The following TTN variants were observed in gnomAD, a reference collection of about 807,000 sequenced individuals.
TTN encodes titin, also known as connectin.
TTN carries 1,525 observed loss-of-function variants against 3,223.0 expected under a neutral mutation model. The observed-to-expected ratio is 0.47, with a 90% CI of 0.45 to 0.49. The LOEUF (loss-of-function observed/expected upper bound fraction) is 0.49. TTN is among the 20% of genes least tolerant of loss of function. The probability of loss-of-function intolerance (pLI) is 0.00; values close to 1 mark genes in which losing one functional copy is unlikely to be tolerated. For missense variants in TTN, 40,786 were observed against 43,424.0 expected (o/e 0.94, Z 5.40); for synonymous variants, 14,094 against 15,161.0 (o/e 0.93, Z 5.17).
chr2:178,774,863 C>T, intron 29 of TTN, 58 bp downstream of exon 29: 1 of 1,594,714 alleles, frequency 6.3e-7, no homozygotes. Context: ...AATTTTACCA[C>T]ATGCTAAGGG....
rs757332870 is a variant in TTN, at chr2:178,748,394, T to G, written c.11311+4730A>C. On this transcript the variant is annotated intron_variant, in intron 47 of 362. Transcript: ENST00000589042. Reference sequence around the variant, plus strand: ...AGAAATTTCTTGACTGGCAAATACATTATTTTGCACACTTTTAGAGATATT... The same window carrying G: ...AGAAATTTCTTGACTGGCAAATACAGTATTTTGCACACTTTTAGAGATATT... The G allele has an allele frequency of 7.4e-6, 12 of 1,613,110 alleles. No individual in the cohort carries two copies. Among genetic ancestry groups the G allele is most frequent in the Admixed American group, 3.3e-5 (2 of 59,918 alleles).
chr2:178,743,122 A>T (rs1214874770), intron 47 of TTN, among the ~76,000 whole-genome samples: 4 of 152,060 alleles, frequency 2.6e-5, no homozygotes, highest in African/African-American at 9.6e-5. Context: ...AGTGAATGTG[A>T]ATACAGTTAA....
intron 256 of TTN, 43 bp downstream of exon 256, chr2:178,616,686 A>G (rs1406354372): frequency 1.2e-6 from 2 of 1,611,742 alleles, no homozygotes; most frequent in African/African-American, 2.7e-5. Flanking sequence ...ATATTTGTTA[A>G]TACTGCCAAA....
intron 335 of TTN, 23 bp downstream of exon 335, chr2:178,551,607 G>A: frequency 2.0e-6 from 3 of 1,525,662 alleles, no homozygotes; most frequent in Admixed American, 2.1e-5. Flanking sequence ...TAAACTAAAT[G>A]TATTTGAATA....
rs1347252672 is a variant in TTN, at chr2:178,783,805, A to G, written c.2776-20T>C. 6.2e-7 allele frequency: 1 copy of G among 1,604,124 alleles called. No individual in the cohort carries two copies. On this transcript the variant is annotated intron_variant, in intron 16 of 362. Transcript: ENST00000589042. Reference sequence around the variant, plus strand: ...TGTTACCTAGATTTTTACAAATTATATTACAAAATGCTCATGAAATTAAGG... The same window carrying G: ...TGTTACCTAGATTTTTACAAATTATGTTACAAAATGCTCATGAAATTAAGG...
chr2:178,580,040 G>C lies in TTN; in HGVS notation c.67247C>G (p.Ala22416Gly). 1 of 1,613,318 alleles carries C rather than the reference G, an allele frequency of 6.2e-7. No homozygotes were observed. Among genetic ancestry groups the C allele is most frequent in the South Asian group, 1.1e-5 (1 of 91,064 alleles). ...GTAGGATTTTCCCTCCTCCAAATTA[G>C]CTACTCTGAAGCTTGTTTTGGAGCA... ...TECSKTSFRV[A>G]NLEEGKSYFF... is the part of the protein sequence containing the mutation. The change falls in exon 318 of 363, where the codon GCT becomes GGT. Residue 22416 changes from alanine to glycine, a missense_variant. Ala to Gly is a moderately conservative substitution (Grantham distance 60). Transcript: ENST00000589042.
intron 47 of TTN, chr2:178,745,354 T>C: frequency 7.2e-7 from 1 of 1,385,606 alleles, no homozygotes; most frequent in East Asian, 2.7e-5. Flanking sequence ...GTGTTTGATA[T>C]TACACAGCAT....
In TTN at chr2:178,756,287, T is replaced by C; in HGVS notation, c.11189A>G (p.Tyr3730Cys). The C allele has an allele frequency of 6.2e-7, 1 of 1,613,844 alleles. No homozygotes were observed. The highest frequency in any genetic ancestry group is 8.5e-7 in the Non-Finnish European group (1 of 1,179,730). Residue 3730 changes from tyrosine (Y) to cysteine (C), a missense_variant, in exon 46 of 363, where the codon TAC becomes TGC. By Grantham distance (194) the Tyr-to-Cys change is radical (BLOSUM62 -2). Coordinates refer to ENST00000589042, the MANE Select transcript of TTN (RefSeq NM_001267550.2). ...ACAGTCATTGTGTACAATGCAGCTG[T>C]ATAGTCCTTGGTCTACCAGCTGAAC... is the stretch of plus-strand genomic sequence containing the variant. ...CNVQLVDQGL[Y>C]SCIVHNDCGE... is the part of the protein sequence containing the mutation.
chr2:178,554,345 G>A, intron 332 of TTN, 108 bp downstream of exon 332: 4 of 1,423,122 alleles, frequency 2.8e-6, no homozygotes, highest in South Asian at 2.6e-5. Flanking sequence ...GAAAAGGATG[G>A]TAATGAGACA....
At position 178,632,738 on chromosome 2, in the gene TTN, T is replaced by C. The variant is rs1251576869; in HGVS notation, c.43268A>G (p.Asp14423Gly). The C allele has an allele frequency of 6.2e-7, 1 of 1,613,276 alleles. No individual in the cohort carries two copies. Among genetic ancestry groups the C allele is most frequent in the Non-Finnish European group, 8.5e-7 (1 of 1,179,542 alleles). Residue 14423 changes from aspartate (D) to glycine (G), a missense_variant, in exon 235 of 363, where the codon GAT becomes GGT. By Grantham distance (94) the Asp-to-Gly change is moderately conservative. Coordinates refer to ENST00000589042, the MANE Select transcript of TTN (RefSeq NM_001267550.2). ...TACTTCACACTCAAACTTAGCCTCA[T>C]CTTTCTCGAAGACTTTAACATCACT... ...PLSDVKVFEK[D>G]EAKFECEVSR...
At position 178,707,785 on chromosome 2, in the gene TTN, CTGA is replaced by C; in HGVS notation, c.28779_28781del (p.Asp9593_Gln9594delinsGlu). The stretch of plus-strand genomic sequence containing the variant: ...CACTCACTGTTACTGGAGTAAGGTG[CTGA>C]TCAAATACAGGTGGCTTCTTAGGTT... On this transcript the variant is annotated inframe_deletion, in exon 100 of 363. Transcript: ENST00000589042. 6.2e-7 allele frequency: 1 copy of C among 1,608,864 alleles called. No individual in the cohort carries two copies. The highest frequency in any genetic ancestry group is 8.5e-7 in the Non-Finnish European group (1 of 1,176,178).
In TTN at chr2:178,578,022, T is replaced by C; in HGVS notation, c.68493A>G (p.Leu22831=). 1.2e-6 allele frequency: 2 copies of C among 1,613,248 alleles called. No homozygotes were observed. Among genetic ancestry groups the C allele is most frequent in the Non-Finnish European group, 1.7e-6 (2 of 1,179,460 alleles). ...INLAGVGKPS[L]PSEPVVALDP... ...CCAGTGCCACAACAGGCTCTGATGGTAGGCTTGGCTTGCCCACACCTGCTA... is the reference window on the plus strand; with the variant it reads ...CCAGTGCCACAACAGGCTCTGATGGCAGGCTTGGCTTGCCCACACCTGCTA... Residue 22831 remains leucine (L), a synonymous_variant, in exon 322 of 363, where the codon CTA becomes CTG. Transcript: ENST00000589042.
intron 311 of TTN, 106 bp from the exon 312 acceptor site, chr2:178,584,012 G>T: frequency 8.0e-7 from 1 of 1,256,688 alleles, no homozygotes; most frequent in Non-Finnish European, 1.1e-6. Flanking sequence ...TCAACAGGAA[G>T]ACAATTATCC....
At position 178,636,140 on chromosome 2, in the gene TTN, C is replaced by G; in HGVS notation, c.41431G>C (p.Val13811Leu). Residue 13811 changes from valine to leucine, a missense_variant, in exon 226 of 363, where the codon GTC (valine) becomes CTC (leucine). By Grantham distance (32) the Val-to-Leu change is conservative. Transcript: ENST00000589042. The surrounding 1 kb of genome is among the most constrained non-coding windows in gnomAD (Gnocchi z 4.3). Reference protein sequence around the residue: ...SCELNKERDVVWRKDGKIVVE... With the variant: ...SCELNKERDVLWRKDGKIVVE... The stretch of plus-strand genomic sequence containing the variant: ...ACAATCTTGCCATCCTTCCTCCAGA[C>G]CACGTCACGCTCTTTGTTTAACTCG... 6.2e-7 allele frequency: 1 copy of G among 1,613,128 alleles called. No individual in the cohort carries two copies. The highest frequency in any genetic ancestry group is 1.1e-5 in the South Asian group (1 of 91,046).
chr2:178,680,467 G>C, intron 138 of TTN, 136 bp from the exon 139 acceptor site: 2 of 744,918 alleles, frequency 2.7e-6, no homozygotes, highest in East Asian at 2.6e-5. Context: ...TCATCTTTAA[G>C]AAACTATATA....
Position 178,783,798 on chromosome 2 carries a change from A to G in TTN, c.2776-13T>C. On this transcript the variant is annotated splice_polypyrimidine_tract_variant and intron_variant, in intron 16 of 362. Transcript: ENST00000589042. ...CTGTTTCTGTTACCTAGATTTTTAC[A>G]AATTATATTACAAAATGCTCATGAA... The G allele has an allele frequency of 6.2e-7, 1 of 1,609,876 alleles. No homozygotes were observed. The highest frequency in any genetic ancestry group is 8.5e-7 in the Non-Finnish European group (1 of 1,176,594).
rs777065318 is a variant in TTN at position 178,567,546 on chromosome 2, C to T, written c.78586G>A (p.Asp26196Asn). 1 of 1,609,934 alleles carries T rather than the reference C, an allele frequency of 6.2e-7. No individual in the cohort carries two copies. The highest frequency in any genetic ancestry group is 1.1e-5 in the South Asian group (1 of 90,278). The stretch of plus-strand genomic sequence containing the variant: ...ACAATTGTGTCTCTGAATTTTGGAT[C>T]CATTGAAATTCTTGGGAGTTCAACC... The part of the protein sequence containing the change: ...DEVELPRISM[D>N]PKFRDTIVVN... The change falls in exon 326 of 363, where the codon GAT (aspartate) becomes AAT (asparagine). Residue 26196 changes from aspartate (D) to asparagine (N), a missense_variant. Coordinates refer to ENST00000589042, the MANE Select transcript of TTN (RefSeq NM_001267550.2).
Position 178,776,489 on chromosome 2 carries a change from A to C in TTN, c.5375T>G (p.Leu1792Arg). 6.2e-7 allele frequency: 1 copy of C among 1,608,232 alleles called. No individual in the cohort carries two copies. The highest frequency in any genetic ancestry group is 8.5e-7 in the Non-Finnish European group (1 of 1,179,992). The change falls in exon 28 of 363, where the codon CTT (leucine) becomes CGT (arginine). Residue 1792 changes from leucine (L) to arginine (R), a missense_variant. Transcript: ENST00000589042. ...KYGTDHTSAT[L>R]IVKDEKSLVE... ...AAGACTTTTCTCATCTTTAACAATA[A>C]GGGTAGCAGATGTGTGATCTGTTCC... is the stretch of plus-strand genomic sequence containing the variant.
At chr2:178,760,884 TGA>T (rs1491511434) in intron 43 of TTN, 17 of 141,538 alleles carry the variant, frequency 1.2e-4, no homozygotes, top group African/African-American at 5.1e-5. Flanking sequence ...TGTGTGTGTG[TGA>T]GATCATCAAT....
Sources: gnomAD v4.1 joint callset for allele counts (sites outside exome capture counted in the v4.1 genomes callset) on GRCh38, gnomAD v4.1.1 for gene constraint, Gnocchi (gnomAD v3.1) non-coding constraint, MANE v1.5 for transcripts, NCBI Gene and HGNC (gene_info 2026-07-23, HGNC 2026-07-21) for gene names.